Variants in CPPED1 observed in about 807,000 individuals in gnomAD.
CPPED1 encodes serine/threonine-protein phosphatase CPPED1.
A neutral mutation model predicts 28.0 loss-of-function variants in CPPED1; 28 were observed. The observed-to-expected ratio is 1.00, with a 90% confidence interval of 0.74 to 1.37. The LOEUF is 1.37. CPPED1 is among the 40% of genes most tolerant of loss of function. The pLI is 0.00. For synonymous variants in CPPED1, 198 were observed against 180.2 expected (o/e 1.10, Z -0.79); for missense variants, 504 against 416.5 (o/e 1.21, Z -1.83).
intron 2 of CPPED1, among the ~76,000 whole-genome samples, chr16:12,756,570 G>A (rs1043782448): frequency 6.6e-6 from 1 of 152,104 alleles, no homozygotes; most frequent in Non-Finnish European, 1.5e-5. Flanking sequence ...GCACAGGCAT[G>A]GTGGAGCACA....
chr16:12,744,522 G>C (rs990035588), intron 2 of CPPED1, among the ~76,000 whole-genome samples: 8 of 152,208 alleles, frequency 5.3e-5, no homozygotes, highest in African/African-American at 1.2e-4. Context: ...GGCTACGGCA[G>C]CCAGTGACCC....
Position 12,704,994 on chromosome 16 carries a change from C to T in CPPED1, c.345G>A (p.Val115=). The T allele has an allele frequency of 6.2e-7, 1 of 1,614,202 alleles. No individual in the cohort carries two copies. The highest frequency in any genetic ancestry group is 8.5e-7 in the Non-Finnish European group (1 of 1,180,038). Residue 115 remains valine (V), a synonymous_variant, in exon 3 of 4, where the codon GTG becomes GTA. Transcript: ENST00000381774. ...CAAGGACCAGTGGGATGGCCCTGTC[C>T]ACTGCCCTAAGCACTCGCTTCAGGT... ...TEDLKRVLRA[V]DRAIPLVLVS... is the part of the protein sequence containing the mutation.
chr16:12,768,847 C>T (rs2080453753), intron 2 of CPPED1, among the ~76,000 whole-genome samples: 2 of 151,602 alleles, frequency 1.3e-5, no homozygotes, highest in Admixed American at 1.3e-4. Context: ...GGTTTAAACT[C>T]ACTGCCATTT....
chr16:12,720,162 C>G (rs2080131754), intron 2 of CPPED1, among the ~76,000 whole-genome samples: 1 of 152,142 alleles, frequency 6.6e-6, no homozygotes. Context: ...GAGATACGCT[C>G]TTGGTTTGGT....
intron 3 of CPPED1, among the ~76,000 whole-genome samples, chr16:12,690,618 A>G (rs2079957340): frequency 6.6e-6 from 1 of 150,570 alleles, no homozygotes; most frequent in African/African-American, 2.5e-5. Context: ...GGAGTTCGAG[A>G]CCAGCTTGGG....
At chr16:12,700,283 G>A (rs182528023) in intron 3 of CPPED1, among the ~76,000 whole-genome samples, 2 of 152,348 alleles carry the variant, frequency 1.3e-5, no homozygotes, top group Admixed American at 6.5e-5. Flanking sequence ...GAAGCAGTGG[G>A]AGGGGGTGCT....
intron 2 of CPPED1, among the ~76,000 whole-genome samples, chr16:12,767,863 G>A (rs187461149): frequency 1.9e-3 from 286 of 152,128 alleles, no homozygotes; most frequent in African/African-American, 6.1e-3. Flanking sequence ...AGGGTGAGGC[G>A]AGAGAATCAC....
intron 1 of CPPED1, among the ~76,000 whole-genome samples, chr16:12,796,037 C>G (rs113930661): frequency 6.6e-6 from 1 of 151,198 alleles, no homozygotes; most frequent in Non-Finnish European, 1.5e-5. Context: ...GAGCCAAGAT[C>G]ACGCCACTGC....
At chr16:12,798,246 T>A (rs1418172134) in intron 1 of CPPED1, among the ~76,000 whole-genome samples, 1 of 152,200 alleles carries the variant, frequency 6.6e-6, no homozygotes, top group African/African-American at 2.4e-5. Flanking sequence ...AACAAAGAGT[T>A]GAGAAAGTAA....
At chr16:12,776,232 C>A (rs1389922570) in intron 2 of CPPED1, among the ~76,000 whole-genome samples, 1 of 152,104 alleles carries the variant, frequency 6.6e-6, no homozygotes, top group African/African-American at 2.4e-5. Flanking sequence ...GAGCATGAGC[C>A]AAGAAACGCA....
intron 2 of CPPED1, among the ~76,000 whole-genome samples, chr16:12,730,125 T>A (rs992231939): frequency 5.3e-5 from 8 of 152,108 alleles, no homozygotes; most frequent in Admixed American, 3.3e-4. Flanking sequence ...GCCTCCCGAG[T>A]TGCTGGGATT....
intron 2 of CPPED1, among the ~76,000 whole-genome samples, chr16:12,722,914 G>A (rs2080149218): frequency 6.6e-6 from 1 of 152,110 alleles, no homozygotes; most frequent in Non-Finnish European, 1.5e-5. Flanking sequence ...GTGTGGGTTG[G>A]TCTAATGTGA....
At chr16:12,766,256 T>TATATAGAGAGAGAGAG in intron 2 of CPPED1, among the ~76,000 whole-genome samples, 1 of 134,286 alleles carries the variant, frequency 7.4e-6, no homozygotes, top group African/African-American at 3.5e-5. Flanking sequence ...TATATATATA[T>TATATAGAGAGAGAGAG]AGAGAGAGAG....
At chr16:12,692,636 T>A (rs2079969568) in intron 3 of CPPED1, among the ~76,000 whole-genome samples, 1 of 152,128 alleles carries the variant, frequency 6.6e-6, no homozygotes, top group Non-Finnish European at 1.5e-5. Context: ...CCTTGTGGGG[T>A]TGCGGTGGAG....
intron 3 of CPPED1, among the ~76,000 whole-genome samples, chr16:12,701,033 G>C (rs1310183208): frequency 6.6e-6 from 1 of 152,026 alleles, no homozygotes; most frequent in African/African-American, 2.4e-5. Flanking sequence ...TTTGATATCA[G>C]CCTGGGCAAC....
intron 2 of CPPED1, among the ~76,000 whole-genome samples, chr16:12,742,518 G>A (rs1031709504): frequency 5.3e-5 from 8 of 152,140 alleles, no homozygotes; most frequent in African/African-American, 1.7e-4. Context: ...AAGAGTTACC[G>A]CTGAATGCCT....
rs368101474 is a variant in CPPED1, at chr16:12,725,742, A to G, written c.290-20693T>C. Among the ~76,000 whole-genome samples, 7 of 152,338 alleles carry G rather than the reference A, an allele frequency of 4.6e-5. 1 individual carries two copies. The East Asian group carries it at 9.7e-4, about 21-fold the overall frequency. On this transcript the variant is annotated intron_variant, in intron 2 of 3. Coordinates refer to ENST00000381774, the MANE Select transcript of CPPED1 (RefSeq NM_018340.3). ...ACTAGCTGTAATCTTGTGTGCCACA[A>G]TGAATGAAAACACGTCTTAGATATC...
intron 1 of CPPED1, among the ~76,000 whole-genome samples, chr16:12,799,183 G>A (rs2080643925): frequency 6.6e-6 from 1 of 151,788 alleles, no homozygotes; most frequent in African/African-American, 2.4e-5. Flanking sequence ...AGGGACTGTT[G>A]CTTGAGTTAA....
At chr16:12,679,175 A>G (rs528904451) in intron 3 of CPPED1, among the ~76,000 whole-genome samples, 2 of 152,322 alleles carry the variant, frequency 1.3e-5, no homozygotes, top group South Asian at 4.1e-4. Context: ...CTTCTGAGTA[A>G]CTGCTATCCT....
Sources: allele counts gnomAD v4.1 joint callset (sites outside exome capture counted in the v4.1 genomes callset), GRCh38; gene constraint gnomAD v4.1.1; transcripts MANE v1.5; gene names NCBI Gene and HGNC (gene_info 2026-07-23, HGNC 2026-07-21).